COL6A1: variants seen among roughly 807,000 people sequenced by gnomAD.
COL6A1 encodes collagen alpha-1(VI) chain.
COL6A1 carries 80 observed loss-of-function variants against 145.6 expected under a neutral mutation model. The observed-to-expected ratio is 0.55, with a 90% CI of 0.46 to 0.66. The LOEUF (loss-of-function observed/expected upper bound fraction) is 0.66. COL6A1 is among the 30% of genes least tolerant of loss of function. The pLI is 0.00. For synonymous variants in COL6A1, 638 were observed against 622.8 expected (o/e 1.02, Z -0.36); for missense variants, 1,364 against 1,473.8 (o/e 0.93, Z 1.22).
chr21:45,997,368 G>A, intron 20 of COL6A1, 53 bp from the exon 21 acceptor site: 7 of 1,550,274 alleles, frequency 4.5e-6, no homozygotes, highest in South Asian at 1.1e-5. Context: ...GTCAGGGAGG[G>A]CTCAGGCTGG....
chr21:45,992,808 C>G lies in COL6A1; in HGVS notation c.1333C>G (p.Pro445Ala), dbSNP rs1392159303. The change falls in exon 19 of 35, where the codon CCT (proline) becomes GCT (alanine). Residue 445 changes from proline to alanine, a missense_variant and splice_region_variant. Pro to Ala is a conservative substitution (Grantham distance 27). Coordinates refer to ENST00000361866, the MANE Select transcript of COL6A1 (RefSeq NM_001848.3). ...TPGTRGPRGDPGEAGPQGDQG... is the reference protein window; with the variant it reads ...TPGTRGPRGDAGEAGPQGDQG... ...AGGCACGCGGGGACCAAGAGGAGAC[C>G]CTGTGAGTCACAGTTCCTGGAGCTG... The G allele has an allele frequency of 6.3e-7, 1 of 1,596,662 alleles. No individual in the cohort carries two copies. The highest frequency in any genetic ancestry group is 1.7e-5 in the Admixed American group (1 of 57,636).
At position 46,003,811 on chromosome 21, in the gene COL6A1, C is replaced by G. The variant is rs370391371; in HGVS notation, c.2885C>G (p.Ala962Gly). 3.0e-5 allele frequency: 48 copies of G among 1,607,014 alleles called. No homozygotes were observed. The highest frequency in any genetic ancestry group is 4.0e-5 in the Non-Finnish European group (47 of 1,175,208). Reference sequence around the variant, plus strand: ...GCCATCGAGAAGGCCGTGCAGGAAGCCCAGCGGGCAGGCATCGAGATCTTC... The same window carrying G: ...GCCATCGAGAAGGCCGTGCAGGAAGGCCAGCGGGCAGGCATCGAGATCTTC... ...PAAIEKAVQEAQRAGIEIFVV... is the reference protein window; with the variant it reads ...PAAIEKAVQEGQRAGIEIFVV... Residue 962 changes from alanine to glycine, a missense_variant, in exon 35 of 35, where the codon GCC (alanine) becomes GGC (glycine). Ala to Gly is a moderately conservative substitution (Grantham distance 60). This residue lies in a region of COL6A1 where 938 missense variants were observed against 1,003.8 expected (regional missense o/e 0.93). Coordinates refer to ENST00000361866, the MANE Select transcript of COL6A1 (RefSeq NM_001848.3).
chr21:45,995,880 G>T (rs573999293), intron 20 of COL6A1, among the ~76,000 whole-genome samples: 1 of 152,320 alleles, frequency 6.6e-6, no homozygotes, highest in South Asian at 2.1e-4. Flanking sequence ...TGGATAGGTG[G>T]CTTTGGAGCC....
chr21:46,004,237 A>C lies in COL6A1; in HGVS notation c.*224A>C. 1 of 619,906 alleles carries C rather than the reference A, an allele frequency of 1.6e-6. No individual in the cohort carries two copies. The highest frequency in any genetic ancestry group is 2.0e-5 in the South Asian group (1 of 50,824). The allele number at this position is 619,906 out of a possible 1,614,324, so 38.4% of individuals were successfully genotyped here. A position where few individuals can be genotyped will look rare whatever the true frequency, so the allele number is the denominator to read the frequency against. ...ACCTGCGCAGGGCCCTCTGGGGCTCAGCCCTGAGCTAGTGTCACCTGCACA... is the reference window on the plus strand; with the variant it reads ...ACCTGCGCAGGGCCCTCTGGGGCTCCGCCCTGAGCTAGTGTCACCTGCACA... On this transcript the variant is annotated 3_prime_UTR_variant, in exon 35 of 35. Coordinates refer to ENST00000361866, the MANE Select transcript of COL6A1 (RefSeq NM_001848.3).
rs1228356018 is a variant in COL6A1 at position 46,004,101 on chromosome 21, G to A, written c.*88G>A. The A allele has an allele frequency of 9.8e-6, 15 of 1,532,932 alleles. No individual in the cohort carries two copies. The highest frequency in any genetic ancestry group is 5.5e-5 in the African/African-American group (4 of 73,004). 95.0% of individuals were successfully genotyped at this position (1,532,932 alleles called of 1,614,324 possible). ...AGTAAAATGTGATGCGAATTTTCCC[G>A]ACCAACCTGATTCGCTAGATTTTTT... On this transcript the variant is annotated 3_prime_UTR_variant, in exon 35 of 35. Coordinates refer to ENST00000361866, the MANE Select transcript of COL6A1 (RefSeq NM_001848.3).
chr21:45,989,816 C>G (rs749952739), intron 11 of COL6A1, 38 bp downstream of exon 11: 2 of 1,612,278 alleles, frequency 1.2e-6, no homozygotes, highest in Middle Eastern at 1.7e-4. Flanking sequence ...TCTCTCCAGG[C>G]GCAGATGTGC....
In COL6A1 at chr21:45,996,421, G is replaced by A. The variant is rs532335824; in HGVS notation, c.1399-1000G>A. On this transcript the variant is annotated intron_variant, in intron 20 of 34. Transcript: ENST00000361866. ...GGTGCTTGCACAGTCGGGGTAGAGA[G>A]AGCAATACACTAGATGCCTCCTGTC... Among the ~76,000 whole-genome samples, 14 of 152,364 alleles carry A rather than the reference G, an allele frequency of 9.2e-5. No homozygotes were observed. In the South Asian group the frequency reaches 2.9e-3, roughly 32 times the overall value.
At chr21:45,986,902 G>C (rs747098777) in intron 4 of COL6A1, 42 bp from the exon 5 acceptor site, 1 of 1,537,468 alleles carries the variant, frequency 6.5e-7, no homozygotes, top group South Asian at 1.2e-5. Context: ...CGGCCGTCAG[G>C]GGTCCCAGCC....
rs905077322 is a variant in COL6A1, at chr21:45,990,228, C to T, written c.931-30C>T. The T allele has an allele frequency of 5.6e-6, 7 of 1,241,108 alleles. No homozygotes were observed. In the African/African-American group the frequency reaches 7.4e-5, roughly 13 times the overall value. The allele number at this position is 1,241,108 out of a possible 1,614,324, so 76.9% of individuals were successfully genotyped here. On this transcript the variant is annotated intron_variant, in intron 11 of 34. Transcript: ENST00000361866. ...TGCCCTGCCCTCCCCACCCCAAATACCCCCTCACACCCGCTTCCTGTCTCC... is the reference window on the plus strand; with the variant it reads ...TGCCCTGCCCTCCCCACCCCAAATATCCCCTCACACCCGCTTCCTGTCTCC...
In COL6A1 at chr21:45,981,781, T is replaced by C. The variant is rs1220193247; in HGVS notation, c.-70T>C. On this transcript the variant is annotated 5_prime_UTR_variant, in exon 1 of 35. Transcript: ENST00000361866. ...CTCTGGCTGGGAGCAGAAGGCAGCC[T>C]CGGTCTCTGGGCGGCGGCGGCGGCC... 1 of 1,217,458 alleles carries C rather than the reference T, an allele frequency of 8.2e-7. No individual in the cohort carries two copies. Among genetic ancestry groups the C allele is most frequent in the African/African-American group, 1.6e-5 (1 of 60,856 alleles). 75.4% of individuals were successfully genotyped at this position (1,217,458 alleles called of 1,614,324 possible).
chr21:45,999,731 T>G (rs1234257326), intron 27 of COL6A1, 39 bp downstream of exon 27: 2 of 1,562,978 alleles, frequency 1.3e-6, no homozygotes, highest in South Asian at 2.2e-5. Flanking sequence ...GGGCGACCAC[T>G]GTAGCTTCCA....
rs540429266 is a variant in COL6A1, at chr21:45,984,303, G to A, written c.262G>A (p.Ala88Thr). 4.7e-5 allele frequency: 76 copies of A among 1,611,054 alleles called. No individual in the cohort carries two copies. In the South Asian group the frequency reaches 5.8e-4, roughly 12 times the overall value. ...CTGTGACCGAAACCTGGTGTGGAAC[G>A]CAGGCGCGCTGCACTACAGTGACGA... is the stretch of plus-strand genomic sequence containing the variant. ...YRCDRNLVWN[A>T]GALHYSDEVE... Residue 88 changes from alanine to threonine, a missense_variant, in exon 3 of 35, where the codon GCA (alanine) becomes ACA (threonine). Ala to Thr is a moderately conservative substitution (Grantham distance 58, BLOSUM62 0). Transcript: ENST00000361866.
chr21:45,982,052 G>A (rs1408886052), intron 1 of COL6A1, 105 bp downstream of exon 1: 1 of 948,818 alleles, frequency 1.1e-6, no homozygotes, highest in Non-Finnish European at 1.6e-6. Context: ...CAGACTGGGG[G>A]CCTGGAGCCC....
At chr21:45,995,527 G>A (rs192662465) in intron 20 of COL6A1, among the ~76,000 whole-genome samples, 141 of 152,352 alleles carry the variant, frequency 9.3e-4, no homozygotes, top group African/African-American at 3.2e-3. Context: ...GGACTTGCTC[G>A]GAGAATTCTA....
rs1569518887 is a variant in COL6A1, at chr21:45,999,935, T to TGGGAAGACCCGTGAGGATCATG, written c.1776+246_1776+247insAAGACCCGTGAGGATCATGGGG. On this transcript the variant is annotated intron_variant, in intron 27 of 34. Transcript: ENST00000361866. ...GATCATGGGGGACATGTGAGGATCA[T>TGGGAAGACCCGTGAGGATCATG]GGGGGGGACGTGTGAGGATCATGGG... Among the ~76,000 whole-genome samples the TGGGAAGACCCGTGAGGATCATG allele has an allele frequency of 3.6e-3, 21 of 5,860 alleles. 4 individuals carry two copies. The highest frequency in any genetic ancestry group is 5.1e-3 in the Admixed American group (2 of 392). 3.8% of individuals were successfully genotyped at this position (5,860 alleles called of 152,430 possible). A position where few individuals can be genotyped will look rare whatever the true frequency, so the allele number is the denominator to read the frequency against.
rs202147670 is a variant in COL6A1 at position 46,002,714 on chromosome 21, C to G, written c.2434+4C>G. On this transcript the variant is annotated splice_donor_region_variant and intron_variant, in intron 33 of 34. Transcript: ENST00000361866. ...GTCACCGCCCAGATCTGCATAGGTG[C>G]GCATGGGGCCACCCGGGCAGTCCCA... 2.5e-6 allele frequency: 4 copies of G among 1,611,352 alleles called. No homozygotes were observed. The South Asian group carries it at 4.4e-5, about 18-fold the overall frequency.
In COL6A1 at chr21:46,003,715, C is replaced by T. The variant is rs1226087945; in HGVS notation, c.2789C>T (p.Ala930Val). ...LGYVTRFYRE[A>V]SSGAAKKRLL... is the part of the protein sequence containing the mutation. ...TATGTGACCCGCTTCTACCGCGAGGCCTCGTCCGGCGCTGCCAAGAAGAGG... is the reference window on the plus strand; with the variant it reads ...TATGTGACCCGCTTCTACCGCGAGGTCTCGTCCGGCGCTGCCAAGAAGAGG... The change falls in exon 35 of 35, where the codon GCC becomes GTC. Residue 930 changes from alanine to valine, a missense_variant. By Grantham distance (64) the Ala-to-Val change is moderately conservative (BLOSUM62 0). Coordinates refer to ENST00000361866, the MANE Select transcript of COL6A1 (RefSeq NM_001848.3). 2 of 1,612,922 alleles carry T rather than the reference C, an allele frequency of 1.2e-6. No individual in the cohort carries two copies. The highest frequency in any genetic ancestry group is 1.7e-6 in the Non-Finnish European group (2 of 1,179,932).
intron 1 of COL6A1, 152 bp from the exon 2 acceptor site, chr21:45,982,482 C>T: frequency 1.8e-6 from 2 of 1,093,588 alleles, no homozygotes; most frequent in Non-Finnish European, 2.7e-6. Flanking sequence ...ACCGTCCCCA[C>T]CGAGGGACGT....
intron 15 of COL6A1, among the ~76,000 whole-genome samples, chr21:45,991,321 C>T (rs1016006134): frequency 6.6e-6 from 1 of 152,220 alleles, no homozygotes; most frequent in Non-Finnish European, 1.5e-5. Flanking sequence ...GCTCGCTCGG[C>T]ACAGATGGGA....
Sources: gnomAD v4.1 joint callset for allele counts (sites outside exome capture counted in the v4.1 genomes callset) on GRCh38, gnomAD v4.1.1 for gene constraint, gnomAD v4.1.1 regional missense constraint, MANE v1.5 for transcripts, NCBI Gene and HGNC (gene_info 2026-07-23, HGNC 2026-07-21) for gene names.